DPP6: variants seen among roughly 807,000 people sequenced by gnomAD.
The protein encoded by DPP6 is dipeptidyl peptidase like 6, also known as A-type potassium channel modulatory protein DPP6.
A neutral mutation model predicts 122.6 loss-of-function variants in DPP6; 69 were observed. That is an observed-to-expected ratio of 0.56 (90% CI 0.46 to 0.69). The LOEUF (loss-of-function observed/expected upper bound fraction) is 0.69, where lower values mean the gene tolerates loss of function less well. Ranked by LOEUF, DPP6 falls within the 30% of genes least tolerant of loss-of-function variation. The probability of loss-of-function intolerance (pLI) is 0.00; values close to 1 mark genes in which losing one functional copy is unlikely to be tolerated. For missense variants in DPP6, 928 were observed against 1,116.9 expected, an observed-to-expected ratio of 0.83 and a Z score of 2.41; for synonymous variants, 418 against 433.1, an observed-to-expected ratio of 0.97 and a Z score of 0.43.
intron 1 of DPP6, among the ~76,000 whole-genome samples, chr7:154,102,831 T>C (rs909270899): frequency 6.6e-6 from 1 of 152,222 alleles, no homozygotes; most frequent in African/African-American, 2.4e-5. Flanking sequence ...ATGTGCATCA[T>C]GCACACTATA....
intron 1 of DPP6, among the ~76,000 whole-genome samples, chr7:154,411,445 G>T (rs1292315): frequency 0.22 from 33,812 of 151,968 alleles, 4,053 homozygotes; most frequent in African/African-American, 0.31. Context: ...CTCACTATGT[G>T]GCCAAGGCTG....
intron 1 of DPP6, among the ~76,000 whole-genome samples, chr7:154,311,326 C>G (rs1806861451): frequency 6.6e-6 from 1 of 151,848 alleles, no homozygotes; most frequent in African/African-American, 2.4e-5. Context: ...AGCCCCATGT[C>G]TAGAAAAAAT....
intron 12 of DPP6, among the ~76,000 whole-genome samples, chr7:154,801,023 G>C (rs1455264654): frequency 6.6e-6 from 1 of 151,894 alleles, no homozygotes; most frequent in Admixed American, 6.6e-5. Context: ...TTTGAGTTTT[G>C]AGAGCAGAGT....
chr7:153,897,719 A>G (rs1004101692), intron 1 of DPP6, among the ~76,000 whole-genome samples: 1 of 152,158 alleles, frequency 6.6e-6, no homozygotes, highest in Non-Finnish European at 1.5e-5. Context: ...TTTTTATTCA[A>G]TCATTGCCAT....
At chr7:154,805,829 G>A (rs1263759352) in intron 15 of DPP6, among the ~76,000 whole-genome samples, 6 of 152,342 alleles carry the variant, frequency 3.9e-5, no homozygotes, top group Non-Finnish European at 8.8e-5. Flanking sequence ...GGGGGTGTCT[G>A]CTGCCTCCCC....
rs753512826 is a variant in DPP6 at position 154,618,622 on chromosome 7, G to A, written c.628-19199G>A. 1.3e-5 allele frequency among the ~76,000 whole-genome samples: 2 copies of A among 152,168 alleles called. No individual in the cohort carries two copies. ...TGTGCTCAGAGCCACGCACAGGATCGCTAGAAGCCGGGGCCACAGCCCAGC... is the reference window on the plus strand; with the variant it reads ...TGTGCTCAGAGCCACGCACAGGATCACTAGAAGCCGGGGCCACAGCCCAGC... On this transcript the variant is annotated intron_variant, in intron 5 of 25. Transcript: ENST00000377770. This position sits in a 1 kb window ranked among gnomAD's most constrained non-coding sequence, Gnocchi z 4.1.
intron 1 of DPP6, among the ~76,000 whole-genome samples, chr7:154,097,120 T>C (rs1272105489): frequency 1.3e-5 from 2 of 152,214 alleles, no homozygotes; most frequent in Non-Finnish European, 1.5e-5. Flanking sequence ...CTCCTAGCAG[T>C]CTCGTCAGTT....
chr7:153,914,838 C>T lies in DPP6; in HGVS notation c.51+27104C>T, dbSNP rs1007849755. Reference sequence around the variant, plus strand: ...GCATGGTCAAGTATAAAACAGTGTACGAATGTTAAACTAGTGTTAGATGAT... The same window carrying T: ...GCATGGTCAAGTATAAAACAGTGTATGAATGTTAAACTAGTGTTAGATGAT... On this transcript the variant is annotated intron_variant, in intron 1 of 25. Transcript: ENST00000404039. Among the ~76,000 whole-genome samples, 8 of 152,118 alleles carry T rather than the reference C, an allele frequency of 5.3e-5. No individual in the cohort carries two copies. The South Asian group carries it at 1.0e-3, about 20-fold the overall frequency.
At chr7:154,838,927 C>T (rs1469688839) in intron 16 of DPP6, 2 of 152,206 alleles carry the variant, frequency 1.3e-5, no homozygotes, top group Non-Finnish European at 2.9e-5. Context: ...AACAGGGTTT[C>T]AGTAAAAGAA....
At chr7:154,297,614 T>G (rs1805628596) in intron 1 of DPP6, among the ~76,000 whole-genome samples, 1 of 152,212 alleles carries the variant, frequency 6.6e-6, no homozygotes, top group Non-Finnish European at 1.5e-5. Flanking sequence ...TTGGCTTGGT[T>G]GTGCACGCCA....
At chr7:154,280,956 G>A (rs1471898941) in intron 1 of DPP6, among the ~76,000 whole-genome samples, 2 of 151,914 alleles carry the variant, frequency 1.3e-5, no homozygotes, top group Non-Finnish European at 2.9e-5. Flanking sequence ...TAACTGTTAA[G>A]TAACAAGAAC....
At chr7:154,314,984 C>G (rs1002194259) in intron 1 of DPP6, among the ~76,000 whole-genome samples, 1 of 152,156 alleles carries the variant, frequency 6.6e-6, no homozygotes, top group African/African-American at 2.4e-5. Context: ...CAAACACAGC[C>G]ATTTCTTCTT....
chr7:153,988,187 A>AG (rs1796943444), intron 1 of DPP6, among the ~76,000 whole-genome samples: 1 of 151,952 alleles, frequency 6.6e-6, no homozygotes, highest in African/African-American at 2.4e-5. Flanking sequence ...GAGGGCGTCG[A>AG]GGGTGATGCA....
chr7:154,000,294 T>G (rs2861467), intron 1 of DPP6, among the ~76,000 whole-genome samples: 4 of 152,226 alleles, frequency 2.6e-5, no homozygotes, highest in South Asian at 2.1e-4. Context: ...TCAGCGCAGA[T>G]CCCAGCAATA....
At chr7:154,323,077 A>T (rs999779288) in intron 1 of DPP6, among the ~76,000 whole-genome samples, 7 of 152,132 alleles carry the variant, frequency 4.6e-5, no homozygotes, top group Admixed American at 6.5e-5. Context: ...AAAAAAAAAT[A>T]AATGGAATAA....
At chr7:154,293,230 C>T (rs1296389472) in intron 1 of DPP6, among the ~76,000 whole-genome samples, 5 of 152,300 alleles carry the variant, frequency 3.3e-5, no homozygotes, top group Admixed American at 1.3e-4. Context: ...TGATGAATGA[C>T]GGAATCTAGC....
chr7:154,806,890 T>C (rs1234786197), intron 15 of DPP6, 104 bp from the exon 16 acceptor site: 16 of 1,469,768 alleles, frequency 1.1e-5, no homozygotes, highest in Non-Finnish European at 1.5e-5. Context: ...GTAGCAGGGC[T>C]CCGCAGATCA....
intron 1 of DPP6, among the ~76,000 whole-genome samples, chr7:153,921,033 T>A (rs1800614559): frequency 6.6e-6 from 1 of 152,264 alleles, no homozygotes; most frequent in Non-Finnish European, 1.5e-5. Flanking sequence ...TCACAATTAT[T>A]GAATTCCTTG....
chr7:154,176,149 A>C (rs1797791963), intron 1 of DPP6, among the ~76,000 whole-genome samples: 1 of 152,238 alleles, frequency 6.6e-6, no homozygotes, highest in Admixed American at 6.5e-5. Flanking sequence ...ATGTGCCCTA[A>C]GCAAGTGAAT....
Sources: gnomAD v4.1 joint callset for allele counts (sites outside exome capture counted in the v4.1 genomes callset) on GRCh38, gnomAD v4.1.1 for gene constraint, Gnocchi (gnomAD v3.1) non-coding constraint, MANE v1.5 for transcripts, NCBI Gene and HGNC (gene_info 2026-07-23, HGNC 2026-07-21) for gene names.